GRIA4: variants seen among roughly 807,000 people sequenced by gnomAD.
The protein encoded by GRIA4 is glutamate ionotropic receptor AMPA type subunit 4.
Under a neutral mutation model 104.0 loss-of-function variants are expected in GRIA4, and 34 were observed. That is an observed-to-expected ratio of 0.33 (90% CI 0.25 to 0.44). The LOEUF is 0.44. Among genes scored for constraint, GRIA4 ranks in the 20% least tolerant of loss-of-function variants. GRIA4 has a pLI of 1.00. For missense variants in GRIA4, 750 were observed against 1,096.5 expected (o/e 0.68, Z 4.46); for synonymous variants, 386 against 381.9 (o/e 1.01, Z -0.13).
intron 14 of GRIA4, among the ~76,000 whole-genome samples, chr11:105,960,883 C>T (rs771978873): frequency 1.3e-5 from 2 of 152,138 alleles, no homozygotes; most frequent in Non-Finnish European, 2.9e-5. Flanking sequence ...TTCCCCTTCC[C>T]GGTGTGGGCC....
intron 3 of GRIA4, among the ~76,000 whole-genome samples, chr11:105,669,782 T>A (rs1952301536): frequency 6.6e-6 from 1 of 152,176 alleles, no homozygotes; most frequent in African/African-American, 2.4e-5. Flanking sequence ...AGGTATTCCA[T>A]ATGTCACATA....
intron 4 of GRIA4, among the ~76,000 whole-genome samples, chr11:105,854,725 A>G (rs1263115461): frequency 6.6e-6 from 1 of 152,136 alleles, no homozygotes. Flanking sequence ...TGTGAGAGAA[A>G]GAATGGAATT....
intron 4 of GRIA4, among the ~76,000 whole-genome samples, chr11:105,837,230 G>C (rs1944226832): frequency 6.6e-6 from 1 of 152,074 alleles, no homozygotes; most frequent in African/African-American, 2.4e-5. Context: ...TCGACAAGTG[G>C]AGATTATGGG....
intron 4 of GRIA4, among the ~76,000 whole-genome samples, chr11:105,756,882 C>T (rs1940342696): frequency 6.6e-6 from 1 of 152,066 alleles, no homozygotes; most frequent in Non-Finnish European, 1.5e-5. Context: ...TGTCAATTAC[C>T]AAGTATGAGG....
intron 5 of GRIA4, among the ~76,000 whole-genome samples, chr11:105,876,307 A>G (rs1018795115): frequency 1.3e-5 from 2 of 152,096 alleles, no homozygotes; most frequent in East Asian, 1.9e-4. Context: ...GTTCTTTTGC[A>G]TTTGCTAGGG....
intron 4 of GRIA4, among the ~76,000 whole-genome samples, chr11:105,803,403 A>G (rs1361614803): frequency 6.6e-6 from 1 of 151,988 alleles, no homozygotes; most frequent in Non-Finnish European, 1.5e-5. Flanking sequence ...ATAAATAAAT[A>G]TATCTTCAAT....
At chr11:105,807,823 T>C (rs1185368247) in intron 4 of GRIA4, among the ~76,000 whole-genome samples, 2 of 152,022 alleles carry the variant, frequency 1.3e-5, no homozygotes, top group East Asian at 3.9e-4. Flanking sequence ...TCTTCTACTC[T>C]AATCATTTCT....
Position 105,903,852 on chromosome 11 carries a change from G to A in GRIA4, c.924G>A (p.Met308Ile), listed in dbSNP as rs1946949525. 1 of 1,611,904 alleles carries A rather than the reference G, an allele frequency of 6.2e-7. No individual in the cohort carries two copies. Residue 308 changes from methionine (M) to isoleucine (I), a missense_variant, in exon 8 of 17, where the codon ATG (methionine) becomes ATA (isoleucine). By Grantham distance (10) the Met-to-Ile change is conservative. Around this residue, in one of 3 missense-constraint regions of GRIA4, gnomAD observed 410 missense variants for 502.7 expected, o/e 0.82. Transcript: ENST00000282499. ...TGACTTATGATGGAGTCCTTGTGAT[G>A]GCTGAAACTTTCCGAAGTCTTAGGA... ...SALTYDGVLV[M>I]AETFRSLRRQ...
At chr11:105,833,954 T>A (rs1944081078) in intron 4 of GRIA4, among the ~76,000 whole-genome samples, 2 of 152,122 alleles carry the variant, frequency 1.3e-5, no homozygotes. Context: ...ACAATCATTT[T>A]ACTATGCCTT....
chr11:105,764,470 T>C (rs1407660455), intron 4 of GRIA4, among the ~76,000 whole-genome samples: 1 of 152,212 alleles, frequency 6.6e-6, no homozygotes, highest in African/African-American at 2.4e-5. Context: ...TTATATTACC[T>C]ACATTATTTC....
rs535912668 is a variant in GRIA4 at position 105,736,249 on chromosome 11, C to T, written c.248-16732C>T. 2.9e-3 allele frequency among the ~76,000 whole-genome samples: 444 copies of T among 152,170 alleles called. 3 individuals are homozygous for T. The highest frequency in any genetic ancestry group is 0.01 in the African/African-American group (430 of 41,536). On this transcript the variant is annotated intron_variant, in intron 3 of 16. Coordinates refer to ENST00000282499, the MANE Select transcript of GRIA4 (RefSeq NM_000829.4). ...ACTGACCTCACCACCCTGCCCTCGG[C>T]CTGCTTCATTCATTTACATTACATT...
chr11:105,952,696 T>G (rs1423262278), intron 14 of GRIA4, among the ~76,000 whole-genome samples: 1 of 152,182 alleles, frequency 6.6e-6, no homozygotes, highest in Non-Finnish European at 1.5e-5. Context: ...GAATATGAAA[T>G]ACAAAGGTTT....
At chr11:105,823,873 T>G (rs1381387603) in intron 4 of GRIA4, among the ~76,000 whole-genome samples, 1 of 152,046 alleles carries the variant, frequency 6.6e-6, no homozygotes, top group Non-Finnish European at 1.5e-5. Flanking sequence ...AGATGATCCT[T>G]TTGAGATAAG....
At chr11:105,976,716 T>C (rs919081114) in intron 16 of GRIA4, among the ~76,000 whole-genome samples, 6 of 152,000 alleles carry the variant, frequency 3.9e-5, no homozygotes, top group African/African-American at 1.4e-4. Flanking sequence ...CAATCCATGG[T>C]AGATTCTACT....
intron 3 of GRIA4, among the ~76,000 whole-genome samples, chr11:105,702,128 C>A (rs912821887): frequency 6.6e-6 from 1 of 152,100 alleles, no homozygotes; most frequent in African/African-American, 2.4e-5. Context: ...GAGAAAGGAT[C>A]TCACTATGTT....
chr11:105,954,540 T>C (rs993218905), intron 14 of GRIA4, among the ~76,000 whole-genome samples: 51 of 152,308 alleles, frequency 3.3e-4, no homozygotes, highest in Admixed American at 2.5e-3. Flanking sequence ...TTTTCAATAA[T>C]CAACATTATG....
chr11:105,686,948 A>C (rs1456155667), intron 3 of GRIA4, among the ~76,000 whole-genome samples: 1 of 152,122 alleles, frequency 6.6e-6, no homozygotes, highest in East Asian at 1.9e-4. Context: ...AGTTCCTTAT[A>C]AATTCTGGAT....
chr11:105,643,951 T>C (rs907531100), intron 3 of GRIA4, among the ~76,000 whole-genome samples: 1 of 152,164 alleles, frequency 6.6e-6, no homozygotes, highest in Non-Finnish European at 1.5e-5. Context: ...ACATCTGACC[T>C]CAGGTGATCC....
intron 14 of GRIA4, among the ~76,000 whole-genome samples, chr11:105,936,047 C>A (rs1207812918): frequency 1.3e-5 from 2 of 152,102 alleles, no homozygotes; most frequent in Non-Finnish European, 2.9e-5. Context: ...CTGCCAAAAC[C>A]GCAGTCATTT....
Sources: gnomAD v4.1 joint callset for allele counts (sites outside exome capture counted in the v4.1 genomes callset) on GRCh38, gnomAD v4.1.1 for gene constraint, gnomAD v4.1.1 regional missense constraint, MANE v1.5 for transcripts, NCBI Gene and HGNC (gene_info 2026-07-23, HGNC 2026-07-21) for gene names.